RPN1: variants seen among roughly 807,000 people sequenced by gnomAD.
The protein encoded by RPN1 is ribophorin I, also known as dolichyl-diphosphooligosaccharide--protein glycosyltransferase subunit 1.
RPN1 carries 12 observed loss-of-function variants against 55.5 expected under a neutral mutation model. That is an observed-to-expected ratio of 0.22 (90% CI 0.14 to 0.35). The LOEUF (loss-of-function observed/expected upper bound fraction) is 0.35. RPN1 is among the 10% of genes least tolerant of loss of function. RPN1 has a pLI of 1.00. For synonymous variants in RPN1, 317 were observed against 305.9 expected (o/e 1.04, Z -0.38); for missense variants, 679 against 761.3 (o/e 0.89, Z 1.27).
chr3:128,629,171 G>T (rs4857859), intron 5 of RPN1, among the ~76,000 whole-genome samples: 50,622 of 151,846 alleles, frequency 0.33, 8,748 homozygotes, highest in Middle Eastern at 0.41. Flanking sequence ...GACAGGAGGG[G>T]GTGGGGAGCG....
intron 3 of RPN1, among the ~76,000 whole-genome samples, chr3:128,636,012 T>C (rs2069679515): frequency 6.6e-6 from 1 of 152,104 alleles, no homozygotes; most frequent in East Asian, 1.9e-4. Flanking sequence ...TATAACTTGT[T>C]ATATGATTTT....
intron 3 of RPN1, among the ~76,000 whole-genome samples, chr3:128,635,660 TATATAG>T (rs2069675139): frequency 1.7e-5 from 2 of 117,466 alleles, no homozygotes; most frequent in Admixed American, 9.0e-5. Context: ...TATATATATA[TATATAG>T]ATATCTATAG....
chr3:128,638,000 G>C lies in RPN1; in HGVS notation c.432C>G (p.Thr144=). The change falls in exon 3 of 10, where the codon ACC becomes ACG. Residue 144 remains threonine (T), a synonymous_variant. Transcript: ENST00000296255. ...ACTGTTTCTCTGACTGGGTGATCTGGGTTGGATACGGATGAAGCACATGGG... is the reference window on the plus strand; with the variant it reads ...ACTGTTTCTCTGACTGGGTGATCTGCGTTGGATACGGATGAAGCACATGGG... ...VYTHVLHPYP[T]QITQSEKQFV... is the part of the protein sequence containing the mutation. The C allele has an allele frequency of 6.2e-7, 1 of 1,614,122 alleles. No individual in the cohort carries two copies. Among genetic ancestry groups the C allele is most frequent in the Non-Finnish European group, 8.5e-7 (1 of 1,179,998 alleles).
At chr3:128,649,739 G>A (rs2069800056) in intron 1 of RPN1, among the ~76,000 whole-genome samples, 1 of 152,130 alleles carries the variant, frequency 6.6e-6, no homozygotes, top group Non-Finnish European at 1.5e-5. Flanking sequence ...AAACATTTAA[G>A]CCAAACACAG....
chr3:128,639,610 G>C (rs937126751), intron 2 of RPN1, among the ~76,000 whole-genome samples: 1 of 151,722 alleles, frequency 6.6e-6, no homozygotes, highest in African/African-American at 2.4e-5. Flanking sequence ...TTTTTGAGAC[G>C]GAGTCTTACT....
Position 128,638,105 on chromosome 3 carries a change from A to G in RPN1, c.327T>C (p.Ser109=). The G allele has an allele frequency of 6.2e-7, 1 of 1,610,284 alleles. No individual in the cohort carries two copies. Among genetic ancestry groups the G allele is most frequent in the East Asian group, 2.2e-5 (1 of 44,838 alleles). ...EVRETKIKGK[S]GRFFTVKLPV... ...GGAGCTTGACTGTGAAGAATCTCCC[A>G]CTAAAGGAAGAACAAGGCAAGAGAA... Residue 109 remains serine, a splice_region_variant and synonymous_variant, in exon 3 of 10, where the codon AGT becomes AGC. Coordinates refer to ENST00000296255, the MANE Select transcript of RPN1 (RefSeq NM_002950.4).
chr3:128,637,840 G>T lies in RPN1; in HGVS notation c.592C>A (p.Leu198Met). ...LGNPTRSEDL[L>M]DYGPFRDVPA... is the part of the protein sequence containing the mutation. The stretch of plus-strand genomic sequence containing the variant: ...ACATCTCTGAAAGGCCCATAATCCA[G>T]TAGGTCCTCAGAGCGCGTGGGGTTC... Residue 198 changes from leucine (L) to methionine (M), a missense_variant, in exon 3 of 10, where the codon CTG becomes ATG. By Grantham distance (15) the Leu-to-Met change is conservative. This residue lies in a region of RPN1 where 352 missense variants were observed against 352.8 expected (regional missense o/e 1.00). Transcript: ENST00000296255. 1 of 1,613,724 alleles carries T rather than the reference G, an allele frequency of 6.2e-7. No individual in the cohort carries two copies. The highest frequency in any genetic ancestry group is 8.5e-7 in the Non-Finnish European group (1 of 1,180,044).
In RPN1 at chr3:128,620,171, T is replaced by G; in HGVS notation, c.*240A>C. On this transcript the variant is annotated 3_prime_UTR_variant, in exon 10 of 10. Transcript: ENST00000296255. ...AATTCCTTTGTTCAAAACACAAAGA[T>G]GTTTTGTTTTTAATGGGAGTTTTTT... is the stretch of plus-strand genomic sequence containing the variant. 10 of 346,468 alleles carry G rather than the reference T, an allele frequency of 2.9e-5. No individual in the cohort carries two copies. Among genetic ancestry groups the G allele is most frequent in the East Asian group, 4.3e-5 (1 of 23,070 alleles). The allele number at this position is 346,468 out of a possible 1,614,324, so 21.5% of individuals were successfully genotyped here.
At chr3:128,630,429 C>T (rs1182493507) in intron 4 of RPN1, among the ~76,000 whole-genome samples, 1 of 152,170 alleles carries the variant, frequency 6.6e-6, no homozygotes, top group East Asian at 1.9e-4. Flanking sequence ...TAAAAATAAT[C>T]TTGCAAGTTA....
chr3:128,625,623 G>C lies in RPN1; in HGVS notation c.1306C>G (p.Leu436Val). The stretch of plus-strand genomic sequence containing the variant: ...GCCACCACCAGCAGGGGCTCCTGCA[G>C]CATGAGCACCTTGTTGAACGTGTAG... ...VHYTFNKVLMLQEPLLVVAAF... is the reference protein window; with the variant it reads ...VHYTFNKVLMVQEPLLVVAAF... The change falls in exon 8 of 10, where the codon CTG (leucine) becomes GTG (valine). Residue 436 changes from leucine to valine, a missense_variant. By Grantham distance (32) the Leu-to-Val change is conservative. This residue lies in a region of RPN1 where 306 missense variants were observed against 360.0 expected (regional missense o/e 0.85). Transcript: ENST00000296255. The C allele has an allele frequency of 6.2e-7, 1 of 1,614,134 alleles. No individual in the cohort carries two copies. Among genetic ancestry groups the C allele is most frequent in the African/African-American group, 1.3e-5 (1 of 75,034 alleles).
At chr3:128,642,511 T>C (rs142916454) in intron 2 of RPN1, 44 of 152,126 alleles carry the variant, frequency 2.9e-4, no homozygotes, top group African/African-American at 9.6e-4. Flanking sequence ...CTGGCCAACA[T>C]AGTGAAACCC....
At chr3:128,620,645 TCAGCAGGCCCCACCATCTCC>T in intron 9 of RPN1, 52 bp from the exon 10 acceptor site, 1 of 1,563,348 alleles carries the variant, frequency 6.4e-7, no homozygotes, top group Non-Finnish European at 8.7e-7. Flanking sequence ...CCCACCCCAC[TCAGCAGGCCCCACCATCTCC>T]CAGGCCTACA....
chr3:128,642,067 C>T (rs2069729576), intron 2 of RPN1, among the ~76,000 whole-genome samples: 1 of 152,146 alleles, frequency 6.6e-6, no homozygotes, highest in Non-Finnish European at 1.5e-5. Flanking sequence ...GTTACCTTGC[C>T]TATCCAAGAC....
chr3:128,633,506 G>A (rs2069655752), intron 3 of RPN1, among the ~76,000 whole-genome samples: 1 of 152,010 alleles, frequency 6.6e-6, no homozygotes, highest in Admixed American at 6.6e-5. Flanking sequence ...AAGCCACTGT[G>A]CCCAACCAGC....
At chr3:128,620,641 C>T (rs574340214) in intron 9 of RPN1, 48 bp from the exon 10 acceptor site, 168 of 1,578,148 alleles carry the variant, frequency 1.1e-4, no homozygotes, top group Middle Eastern at 1.0e-3. Flanking sequence ...TCCTCCCACC[C>T]CACTCAGCAG....
At chr3:128,629,877 G>T in intron 5 of RPN1, 74 bp downstream of exon 5, 1 of 830,634 alleles carries the variant, frequency 1.2e-6, no homozygotes, top group Non-Finnish European at 1.9e-6. Flanking sequence ...CATCTATAAA[G>T]ACTGATAATT....
chr3:128,625,495 G>A (rs758375330), intron 8 of RPN1, 39 bp downstream of exon 8: 1 of 1,613,812 alleles, frequency 6.2e-7, no homozygotes, highest in Non-Finnish European at 8.5e-7. Context: ...ATATTACCAA[G>A]GACACAAATG....
chr3:128,642,180 C>T (rs1419026093), intron 2 of RPN1: 2 of 152,122 alleles, frequency 1.3e-5, no homozygotes, highest in African/African-American at 2.4e-5. Flanking sequence ...ATTTTAATAG[C>T]GACTTATTTA....
chr3:128,620,661 T>A (rs2069552528), intron 9 of RPN1, 68 bp from the exon 10 acceptor site: 6 of 1,515,924 alleles, frequency 4.0e-6, no homozygotes, highest in Non-Finnish European at 9.0e-7. Context: ...GGCCCCACCA[T>A]CTCCCAGGCC....
Sources: gnomAD v4.1 joint callset for allele counts (sites outside exome capture counted in the v4.1 genomes callset) on GRCh38, gnomAD v4.1.1 for gene constraint, gnomAD v4.1.1 regional missense constraint, MANE v1.5 for transcripts, NCBI Gene and HGNC (gene_info 2026-07-23, HGNC 2026-07-21) for gene names.